Variants in GALNT10 observed in about 807,000 individuals in gnomAD.
The protein encoded by GALNT10 is GalNAc transferase 10.
Under a neutral mutation model 75.0 loss-of-function variants are expected in GALNT10, and 41 were observed. The ratio of observed to expected loss-of-function variants is 0.55; its 90% CI spans 0.43 to 0.71. The LOEUF (loss-of-function observed/expected upper bound fraction) is 0.71, where lower values mean the gene tolerates loss of function less well. Ranked by LOEUF, GALNT10 falls within the 30% of genes least tolerant of loss-of-function variation. The pLI, the probability that GALNT10 is intolerant of heterozygous loss-of-function variation, is 0.00. For missense variants in GALNT10, 727 were observed against 818.5 expected, an observed-to-expected ratio of 0.89 and a Z score of 1.36; for synonymous variants, 302 against 313.0, an observed-to-expected ratio of 0.96 and a Z score of 0.37.
rs1214378797 is a variant in GALNT10, at chr5:154,190,777, C to G, written c.-90C>G. On this transcript the variant is annotated 5_prime_UTR_variant, in exon 1 of 12. Coordinates refer to ENST00000297107, the MANE Select transcript of GALNT10 (RefSeq NM_198321.4). ...GCCGCAGCCGCTTCTGCTGGCTGAG[C>G]TGCTGCCGCCGCCGGGCGGACGGGC... The G allele has an allele frequency of 2.9e-5, 12 of 419,766 alleles. 1 individual carries two copies. The Admixed American group carries it at 7.6e-4, about 26-fold the overall frequency. 26.0% of individuals were successfully genotyped at this position (419,766 alleles called of 1,614,324 possible). A position where few individuals can be genotyped will look rare whatever the true frequency, so the allele number is the denominator to read the frequency against.
intron 1 of GALNT10, among the ~76,000 whole-genome samples, chr5:154,279,324 A>G (rs1401197610): frequency 7.7e-6 from 1 of 129,974 alleles, no homozygotes; most frequent in Non-Finnish European, 1.6e-5. Context: ...TTTTTTTGAG[A>G]TGGAGCTTTG....
At chr5:154,325,631 C>CA (rs34012731) in intron 3 of GALNT10, among the ~76,000 whole-genome samples, 25,666 of 131,314 alleles carry the variant, frequency 0.2, 3,699 homozygotes, top group African/African-American at 0.43. Context: ...TCAGTAGATG[C>CA]AAAAAAAAAA....
chr5:154,258,855 A>G (rs1217704928), intron 1 of GALNT10, among the ~76,000 whole-genome samples: 3 of 152,134 alleles, frequency 2.0e-5, no homozygotes, highest in African/African-American at 7.2e-5. Context: ...CAAAAGTCCA[A>G]TTGTGTTTCT....
intron 3 of GALNT10, among the ~76,000 whole-genome samples, chr5:154,299,831 AT>A (rs4032070): frequency 0.51 from 65,533 of 129,726 alleles, 16,917 homozygotes; most frequent in East Asian, 0.92. Context: ...CAAATCCCAG[AT>A]TTTTTTTTTT....
Position 154,219,834 on chromosome 5 carries a change from T to TCACACACACACACACACACA in GALNT10, c.159+28810_159+28811insACACACACACACACACACAC, listed in dbSNP as rs763537693. ...CGCGCTCTCTCTCTCTCTCTCTCTCTCTCTCACACACACACACACACACAC... is the reference window on the plus strand; with the variant it reads ...CGCGCTCTCTCTCTCTCTCTCTCTCTCACACACACACACACACACACTCTCACACACACACACACACACAC... On this transcript the variant is annotated intron_variant, in intron 1 of 11. Coordinates refer to ENST00000297107, the MANE Select transcript of GALNT10 (RefSeq NM_198321.4). 8.9e-3 allele frequency among the ~76,000 whole-genome samples: 1,152 copies of TCACACACACACACACACACA among 129,584 alleles called. 11 individuals are homozygous for TCACACACACACACACACACA. The highest frequency in any genetic ancestry group is 0.047 in the East Asian group (175 of 3,738). 85.0% of individuals were successfully genotyped at this position (129,584 alleles called of 152,430 possible).
intron 4 of GALNT10, among the ~76,000 whole-genome samples, chr5:154,371,620 C>G (rs115927699): frequency 0.011 from 1,678 of 147,910 alleles, 25 homozygotes; most frequent in African/African-American, 0.039. Flanking sequence ...AGAGAGAGGA[C>G]TGTGGGAAGC....
chr5:154,296,565 C>A (rs1022603628), intron 2 of GALNT10, among the ~76,000 whole-genome samples: 4 of 152,172 alleles, frequency 2.6e-5, no homozygotes, highest in African/African-American at 9.7e-5. Flanking sequence ...AGGCATCTTG[C>A]CTGCATTACC....
chr5:154,271,637 A>G (rs774537289), intron 1 of GALNT10, among the ~76,000 whole-genome samples: 7 of 152,178 alleles, frequency 4.6e-5, no homozygotes, highest in Non-Finnish European at 7.3e-5. Flanking sequence ...CATTATGTCT[A>G]TAAATCTTGC....
chr5:154,238,711 C>T (rs1488143295), intron 1 of GALNT10, among the ~76,000 whole-genome samples: 1 of 152,158 alleles, frequency 6.6e-6, no homozygotes, highest in Non-Finnish European at 1.5e-5. Context: ...CGAAATTGGC[C>T]TCATAAATAG....
chr5:154,313,769 C>G (rs1273325878), intron 3 of GALNT10, among the ~76,000 whole-genome samples: 1 of 152,038 alleles, frequency 6.6e-6, no homozygotes, highest in Non-Finnish European at 1.5e-5. Context: ...TGAGCCTGAG[C>G]CTTGAGCTGA....
At chr5:154,234,140 G>T (rs1753207869) in intron 1 of GALNT10, among the ~76,000 whole-genome samples, 1 of 152,158 alleles carries the variant, frequency 6.6e-6, no homozygotes, top group Non-Finnish European at 1.5e-5. Context: ...TTAAGATTCT[G>T]TGGTGGGAAA....
At chr5:154,318,885 A>G (rs1391418806) in intron 3 of GALNT10, among the ~76,000 whole-genome samples, 1 of 152,252 alleles carries the variant, frequency 6.6e-6, no homozygotes, top group African/African-American at 2.4e-5. Flanking sequence ...TTCAGGGTTG[A>G]AACCTAATCA....
chr5:154,403,351 A>T (rs960082974), intron 7 of GALNT10, among the ~76,000 whole-genome samples: 1 of 152,140 alleles, frequency 6.6e-6, no homozygotes, highest in African/African-American at 2.4e-5. Context: ...CCAAGTTGCT[A>T]TCAGACCAGT....
chr5:154,315,797 C>CA (rs1754587035), intron 3 of GALNT10, among the ~76,000 whole-genome samples: 3 of 152,222 alleles, frequency 2.0e-5, no homozygotes, highest in African/African-American at 4.8e-5. Flanking sequence ...AGGTAGGCCC[C>CA]ATGACTGACC....
chr5:154,208,592 C>T (rs916361411), intron 1 of GALNT10, among the ~76,000 whole-genome samples: 4 of 152,032 alleles, frequency 2.6e-5, no homozygotes, highest in Non-Finnish European at 4.4e-5. Flanking sequence ...GAATAGTGCC[C>T]GGCATTTAAA....
rs529775571 is a variant in GALNT10, at chr5:154,291,544, A to C, written c.160-3272A>C. 2.6e-5 allele frequency among the ~76,000 whole-genome samples: 4 copies of C among 152,228 alleles called. No individual in the cohort carries two copies. The South Asian group carries it at 8.3e-4, about 32-fold the overall frequency. ...CTCCTTCACATCCTGATGAACACTC[A>C]ATCTTTCTATTCCTGGCCACTTCTA... On this transcript the variant is annotated intron_variant, in intron 1 of 11. Transcript: ENST00000297107.
rs752181577 is a variant in GALNT10, at chr5:154,329,533, C to T, written c.402-39C>T. ...CTGAGTTCTCTTGGCAGGAGGAGAG[C>T]TGACCCTGTCCTCTGCCTCCCCTTA... On this transcript the variant is annotated intron_variant, in intron 3 of 11. Transcript: ENST00000297107. 15 of 1,563,708 alleles carry T rather than the reference C, an allele frequency of 9.6e-6. No homozygotes were observed. The African/African-American group carries it at 1.5e-4, about 16-fold the overall frequency.
At chr5:154,393,942 G>C (rs952155770) in intron 7 of GALNT10, among the ~76,000 whole-genome samples, 1 of 152,220 alleles carries the variant, frequency 6.6e-6, no homozygotes, top group Admixed American at 6.5e-5. Flanking sequence ...CCATTTGCAA[G>C]CTCTGAGATG....
chr5:154,276,303 G>T (rs1055131716), intron 1 of GALNT10, among the ~76,000 whole-genome samples: 1 of 152,114 alleles, frequency 6.6e-6, no homozygotes, highest in African/African-American at 2.4e-5. Flanking sequence ...GCAGGCCAGG[G>T]GTTGCTGTCT....
Sources: allele counts gnomAD v4.1 joint callset (sites outside exome capture counted in the v4.1 genomes callset), GRCh38; gene constraint gnomAD v4.1.1; transcripts MANE v1.5; gene names NCBI Gene and HGNC (gene_info 2026-07-23, HGNC 2026-07-21).